The following RHBG variants were observed in gnomAD, a reference collection of about 807,000 sequenced individuals.
RHBG encodes the protein ammonium transporter Rh type B.
Under a neutral mutation model 40.1 loss-of-function variants are expected in RHBG, and 39 were observed. That is an observed-to-expected ratio of 0.97 (90% CI 0.75 to 1.27). RHBG has a LOEUF of 1.27. Ranked by LOEUF, RHBG falls within the 50% of genes most tolerant of loss-of-function variation. The probability of loss-of-function intolerance (pLI) is 0.00; values close to 1 mark genes in which losing one functional copy is unlikely to be tolerated. For synonymous variants in RHBG, 237 were observed against 252.5 expected, an observed-to-expected ratio of 0.94 and a Z score of 0.58; for missense variants, 549 against 588.1, an observed-to-expected ratio of 0.93 and a Z score of 0.69.
In RHBG at chr1:156,378,077, C is replaced by T. The variant is rs965545129; in HGVS notation, c.462C>T (p.Leu154=). The change falls in exon 3 of 10, where the codon CTC becomes CTT. Residue 154 remains leucine, a synonymous_variant. Coordinates refer to ENST00000537040, the MANE Select transcript of RHBG (RefSeq NM_020407.5). ...AGACCGGGCCTACCCAGCTGCTGCT[C>T]ATGGCCCTGCTGGAGGTGGTGCTGT... ...LGKTGPTQLL[L]MALLEVVLFG... The T allele has an allele frequency of 1.7e-5, 28 of 1,610,946 alleles. No homozygotes were observed. Among genetic ancestry groups the T allele is most frequent in the Non-Finnish European group, 2.0e-5 (23 of 1,178,376 alleles).
At chr1:156,369,549 G>C in intron 1 of RHBG, 113 bp downstream of exon 1, 3 of 1,157,234 alleles carry the variant, frequency 2.6e-6, no homozygotes, top group Non-Finnish European at 3.6e-6. Context: ...CAGCCGTCTC[G>C]CTCTGAGGTG....
Position 156,377,267 on chromosome 1 carries a change from C to T in RHBG, c.188-34C>T, listed in dbSNP as rs755348184. ...GATTGTGGGCTATGGCTAGAGCAGC[C>T]CCCAAGTGCCCCGCCTGTCCCTGCC... On this transcript the variant is annotated intron_variant, in intron 1 of 9. Transcript: ENST00000537040. This position sits in a 1 kb window ranked among gnomAD's most constrained non-coding sequence, Gnocchi z 4.6. The T allele has an allele frequency of 1.2e-6, 2 of 1,603,240 alleles. No homozygotes were observed. Among genetic ancestry groups the T allele is most frequent in the Admixed American group, 3.3e-5 (2 of 59,706 alleles).
chr1:156,375,724 G>A (rs1667144056), intron 1 of RHBG, among the ~76,000 whole-genome samples: 1 of 151,604 alleles, frequency 6.6e-6, no homozygotes, highest in African/African-American at 2.4e-5. Flanking sequence ...ATAAAGGGGA[G>A]CATAATTTTT....
intron 4 of RHBG, 122 bp from the exon 5 acceptor site, chr1:156,381,225 C>A: frequency 2.0e-6 from 2 of 1,023,324 alleles, no homozygotes; most frequent in Non-Finnish European, 1.5e-6. Context: ...TTATCAATCC[C>A]ACTGAACATA....
chr1:156,378,935 C>CATAGGAG (rs1667422378), intron 4 of RHBG, among the ~76,000 whole-genome samples: 2 of 152,146 alleles, frequency 1.3e-5, no homozygotes, highest in Non-Finnish European at 2.9e-5. Context: ...TTGGGTCACC[C>CATAGGAG]CAGGGACCCA....
chr1:156,375,454 CAAAA>C (rs34882949), intron 1 of RHBG, among the ~76,000 whole-genome samples: 7 of 130,398 alleles, frequency 5.4e-5, no homozygotes, highest in Non-Finnish European at 9.8e-5. Flanking sequence ...GCATATGGCA[CAAAA>C]AAAAAAAAAA....
rs368582633 is a variant in RHBG at position 156,378,318 on chromosome 1, C to A, written c.592C>A (p.Arg198=). Residue 198 remains arginine, a synonymous_variant, in exon 4 of 10, where the codon CGG becomes AGG. Coordinates refer to ENST00000537040, the MANE Select transcript of RHBG (RefSeq NM_020407.5). The part of the protein sequence containing the change: ...FGAYFGLVLS[R]VLYRPQLEKS... ...TGCCTACTTCGGGCTCGTCCTTTCGCGGGTTCTGTACAGGCCCCAGCTGGA... is the reference window on the plus strand; with the variant it reads ...TGCCTACTTCGGGCTCGTCCTTTCGAGGGTTCTGTACAGGCCCCAGCTGGA... The A allele has an allele frequency of 3.8e-5, 62 of 1,613,924 alleles. No individual in the cohort carries two copies. In the African/African-American group the frequency reaches 7.1e-4, roughly 18 times the overall value.
chr1:156,381,348 G>T lies in RHBG; in HGVS notation c.675G>T (p.Gly225=). The change falls in exon 5 of 10, where the codon GGG becomes GGT. Residue 225 remains glycine, a splice_region_variant and synonymous_variant. Coordinates refer to ENST00000537040, the MANE Select transcript of RHBG (RefSeq NM_020407.5). ...VYHSDLFAMI[G]TIFLWIFWPS... is the part of the protein sequence containing the mutation. ...TCTGCCTGTCTGTCCACCATCTAGGGACCATCTTCCTGTGGATCTTCTGGC... is the reference window on the plus strand; with the variant it reads ...TCTGCCTGTCTGTCCACCATCTAGGTACCATCTTCCTGTGGATCTTCTGGC... 1 of 1,614,008 alleles carries T rather than the reference G, an allele frequency of 6.2e-7. No homozygotes were observed. The highest frequency in any genetic ancestry group is 1.1e-5 in the South Asian group (1 of 91,070).
chr1:156,383,385 T>A (rs1299946026), intron 8 of RHBG, among the ~76,000 whole-genome samples: 1 of 152,256 alleles, frequency 6.6e-6, no homozygotes, highest in Non-Finnish European at 1.5e-5. Flanking sequence ...CAAGCCATTC[T>A]CCTGCCTCAG....
At chr1:156,370,649 A>T (rs999525807) in intron 1 of RHBG, among the ~76,000 whole-genome samples, 3 of 149,956 alleles carry the variant, frequency 2.0e-5, no homozygotes, top group African/African-American at 7.4e-5. Context: ...AAGAAAGAAA[A>T]TGAAGCACCA....
At chr1:156,380,483 G>A (rs1481332377) in intron 4 of RHBG, among the ~76,000 whole-genome samples, 1 of 151,916 alleles carries the variant, frequency 6.6e-6, no homozygotes, top group Admixed American at 6.6e-5. Context: ...AGCACTTTGG[G>A]AGGCTGAGGT....
At chr1:156,383,209 A>C (rs556933582) in intron 8 of RHBG, among the ~76,000 whole-genome samples, 1 of 152,224 alleles carries the variant, frequency 6.6e-6, no homozygotes, top group Non-Finnish European at 1.5e-5. Flanking sequence ...GGCAGGGACA[A>C]GGAGGGGAGG....
At chr1:156,380,882 A>G (rs3001788) in intron 4 of RHBG, among the ~76,000 whole-genome samples, 151,209 of 152,194 alleles carry the variant, frequency 0.99, 75,121 homozygotes, top group Middle Eastern at 1. Flanking sequence ...TCATTTAATT[A>G]CCACTTGATG....
At chr1:156,374,729 G>T (rs1214269436) in intron 1 of RHBG, 3 of 305,636 alleles carry the variant, frequency 9.8e-6, no homozygotes, top group East Asian at 1.2e-4. Context: ...TGGGATTACA[G>T]GTACCCGCCA....
rs1667922474 is a variant in RHBG at position 156,384,615 on chromosome 1, G to C, written c.1308+15G>C. 6.4e-7 allele frequency: 1 copy of C among 1,565,578 alleles called. No homozygotes were observed. The highest frequency in any genetic ancestry group is 1.2e-5 in the South Asian group (1 of 83,850). The stretch of plus-strand genomic sequence containing the variant: ...TTCACTGGCAGGTGAGACATTGCTG[G>C]GCTCTCACACCCTCTGAGTCTCCCT... On this transcript the variant is annotated intron_variant, in intron 9 of 9. Coordinates refer to ENST00000537040, the MANE Select transcript of RHBG (RefSeq NM_020407.5).
intron 1 of RHBG, among the ~76,000 whole-genome samples, chr1:156,373,287 A>G (rs574760872): frequency 6.6e-6 from 1 of 152,178 alleles, no homozygotes; most frequent in South Asian, 2.1e-4. Flanking sequence ...TTAGCCCAGT[A>G]TGGTAATAAG....
At chr1:156,374,088 G>A (rs1390229586) in intron 1 of RHBG, among the ~76,000 whole-genome samples, 1 of 152,164 alleles carries the variant, frequency 6.6e-6, no homozygotes, top group East Asian at 1.9e-4. Context: ...GGAGGTGAGT[G>A]AATGTTACTG....
At chr1:156,383,060 G>C (rs951066630) in intron 8 of RHBG, among the ~76,000 whole-genome samples, 191 bp downstream of exon 8, 1 of 152,222 alleles carries the variant, frequency 6.6e-6, no homozygotes, top group Non-Finnish European at 1.5e-5. Context: ...TTCTGGTGCC[G>C]AGGGCAGCTG....
chr1:156,369,460 G>C, intron 1 of RHBG, 24 bp downstream of exon 1: 1 of 1,575,886 alleles, frequency 6.3e-7, no homozygotes, highest in Non-Finnish European at 8.6e-7. Flanking sequence ...GAGGGCGCGC[G>C]GGAAGCAAAG....
Sources: allele counts gnomAD v4.1 joint callset (sites outside exome capture counted in the v4.1 genomes callset), GRCh38; gene constraint gnomAD v4.1.1; non-coding constraint Gnocchi (gnomAD v3.1); transcripts MANE v1.5; gene names NCBI Gene and HGNC (gene_info 2026-07-23, HGNC 2026-07-21).